PLEKHG1: variants seen among roughly 807,000 people sequenced by gnomAD.
PLEKHG1 encodes the protein pleckstrin homology and RhoGEF domain containing G1.
In PLEKHG1, 44 loss-of-function variants were observed where a neutral mutation model predicts 100.8. That is an observed-to-expected ratio of 0.44 (90% CI 0.34 to 0.56). The LOEUF is 0.56. Among genes scored for constraint, PLEKHG1 ranks in the 20% least tolerant of loss-of-function variants. The probability of loss-of-function intolerance (pLI) is 0.01; values close to 1 mark genes in which losing one functional copy is unlikely to be tolerated. For synonymous variants in PLEKHG1, 640 were observed against 662.5 expected (o/e 0.97, Z 0.52); for missense variants, 1,545 against 1,720.9 (o/e 0.90, Z 1.81).
intron 3 of PLEKHG1, among the ~76,000 whole-genome samples, chr6:150,785,201 A>G (rs1006168092): frequency 7.9e-5 from 12 of 152,226 alleles, no homozygotes. Flanking sequence ...TAGCCTAAAG[A>G]ATCAAAAATG....
chr6:150,648,018 C>T (rs564539970), intron 2 of PLEKHG1, among the ~76,000 whole-genome samples: 8 of 152,054 alleles, frequency 5.3e-5, no homozygotes, highest in Non-Finnish European at 1.0e-4. Context: ...CATCATTTCT[C>T]ATGAGGGAAT....
At chr6:150,695,163 A>G (rs976937757) in intron 3 of PLEKHG1, among the ~76,000 whole-genome samples, 5 of 152,172 alleles carry the variant, frequency 3.3e-5, no homozygotes, top group African/African-American at 1.2e-4. Context: ...ACAAGTTTCT[A>G]TTCCAAAGAA....
chr6:150,644,332 G>GTGGTTTTTTTTTTTTTT (rs1562404976), intron 2 of PLEKHG1, among the ~76,000 whole-genome samples: 3 of 96,564 alleles, frequency 3.1e-5, no homozygotes, highest in African/African-American at 1.3e-4. Flanking sequence ...TTTTCTTTTC[G>GTGGTTTTTTTTTTTTTT]TGTTTTTTTT....
At chr6:150,802,874 A>G (rs1007162406) in intron 6 of PLEKHG1, among the ~76,000 whole-genome samples, 1 of 151,924 alleles carries the variant, frequency 6.6e-6, no homozygotes. Context: ...GTTGGCCAGG[A>G]TGGTCTCGAT....
intron 9 of PLEKHG1, 31 bp downstream of exon 10, chr6:150,809,507 G>A: frequency 1.3e-6 from 2 of 1,573,514 alleles, no homozygotes; most frequent in African/African-American, 1.3e-5. Flanking sequence ...TCTCCGCAAG[G>A]CCCCTTTGTG....
intron 1 of PLEKHG1, among the ~76,000 whole-genome samples, chr6:150,612,248 C>T (rs948449223): frequency 5.9e-5 from 9 of 152,150 alleles, no homozygotes; most frequent in African/African-American, 1.9e-4. Flanking sequence ...GGAAGAACTG[C>T]GAAGCCAGTG....
At chr6:150,732,640 T>A (rs945270100) in intron 1 of PLEKHG1, among the ~76,000 whole-genome samples, 1 of 152,150 alleles carries the variant, frequency 6.6e-6, no homozygotes, top group Non-Finnish European at 1.5e-5. Flanking sequence ...TGTTTTGAGA[T>A]AAAGTCTTGC....
At chr6:150,723,260 G>A (rs971238020) in intron 1 of PLEKHG1, among the ~76,000 whole-genome samples, 1 of 152,134 alleles carries the variant, frequency 6.6e-6, no homozygotes, top group Admixed American at 6.5e-5. Context: ...GCAGAGCCAG[G>A]GCAAACATGC....
chr6:150,814,071 A>G (rs566614149), intron 10 of PLEKHG1, among the ~76,000 whole-genome samples: 3 of 152,356 alleles, frequency 2.0e-5, no homozygotes, highest in African/African-American at 4.8e-5. Flanking sequence ...ATGAATGTGC[A>G]TAGGTGTGGA....
At chr6:150,734,127 A>C (rs1223553853) in intron 2 of PLEKHG1, 35 bp downstream of exon 3, 3 of 1,571,026 alleles carry the variant, frequency 1.9e-6, no homozygotes, top group Admixed American at 3.7e-5. Context: ...TTTGCCATGC[A>C]GGAGAAATAT....
exon 11 of PLEKHG1, chr6:150,818,208 A>G (rs1465970328): frequency 1.2e-6 from 2 of 1,604,048 alleles, no homozygotes; most frequent in Admixed American, 3.3e-5. Flanking sequence ...CTTGAAATGG[A>G]TGCCATTCGT....
At chr6:150,836,822 C>CAA (rs58375227) in intron 15 of PLEKHG1, among the ~76,000 whole-genome samples, 36,434 of 130,826 alleles carry the variant, frequency 0.28, 4,940 homozygotes, top group East Asian at 0.4. Flanking sequence ...GACCCTGTCT[C>CAA]AAAAAAAAAA....
intron 1 of PLEKHG1, among the ~76,000 whole-genome samples, chr6:150,608,898 A>C (rs899361614): frequency 4.6e-5 from 7 of 152,216 alleles, no homozygotes; most frequent in Non-Finnish European, 7.3e-5. Flanking sequence ...GTTTAACTGC[A>C]TAATATATGT....
chr6:150,751,014 T>C (rs1196015461), intron 2 of PLEKHG1, among the ~76,000 whole-genome samples: 1 of 152,180 alleles, frequency 6.6e-6, no homozygotes, highest in South Asian at 2.1e-4. Context: ...GTGTACAATG[T>C]TGAGCACAAT....
chr6:150,639,287 A>T (rs892657930), intron 2 of PLEKHG1, among the ~76,000 whole-genome samples: 3 of 152,194 alleles, frequency 2.0e-5, no homozygotes, highest in Non-Finnish European at 4.4e-5. Flanking sequence ...ATTAATTTTT[A>T]AAAATGCTAT....
chr6:150,810,301 ACT>A (rs1787416086), intron 10 of PLEKHG1, among the ~76,000 whole-genome samples: 1 of 147,606 alleles, frequency 6.8e-6, no homozygotes, highest in Non-Finnish European at 1.5e-5. Flanking sequence ...ACAGGGTCTC[ACT>A]CTGTCACCCA....
intron 6 of PLEKHG1, 75 bp downstream of exon 7, chr6:150,800,944 T>C: frequency 8.2e-7 from 1 of 1,213,644 alleles, no homozygotes; most frequent in Non-Finnish European, 1.2e-6. Flanking sequence ...TGGTGGAAAA[T>C]ACCAGAAAAT....
At chr6:150,628,611 A>G (rs1383552827) in intron 1 of PLEKHG1, among the ~76,000 whole-genome samples, 1 of 139,870 alleles carries the variant, frequency 7.1e-6, no homozygotes, top group African/African-American at 2.6e-5. Flanking sequence ...AACCCTCTAT[A>G]TCTGGATTAA....
chr6:150,810,475 A>G (rs141189793), intron 10 of PLEKHG1, among the ~76,000 whole-genome samples: 12,840 of 111,676 alleles, frequency 0.11, 750 homozygotes, highest in Middle Eastern at 0.16. Flanking sequence ...AAAAAAAGAA[A>G]GAAAGAAAGA....
Sources: gnomAD v4.1 joint callset for allele counts (sites outside exome capture counted in the v4.1 genomes callset) on GRCh38, gnomAD v4.1.1 for gene constraint, MANE v1.5 for transcripts, NCBI Gene and HGNC (gene_info 2026-07-23, HGNC 2026-07-21) for gene names.